Variants in DNAH14 observed in about 807,000 individuals in gnomAD.
DNAH14 encodes the protein dynein axonemal heavy chain 14.
A neutral mutation model predicts 520.9 loss-of-function variants in DNAH14; 478 were observed. The ratio of observed to expected loss-of-function variants is 0.92; its 90% CI spans 0.85 to 0.99. DNAH14 has a LOEUF of 0.99. DNAH14 is among the 50% of genes least tolerant of loss of function. DNAH14 has a pLI of 0.00. For synonymous variants in DNAH14, 1,581 were observed against 1,757.2 expected (o/e 0.90, Z 2.51); for missense variants, 4,831 against 5,234.5 (o/e 0.92, Z 2.38).
intron 11 of DNAH14, among the ~76,000 whole-genome samples, chr1:225,033,886 A>G (rs965988617): frequency 3.3e-5 from 5 of 152,136 alleles, no homozygotes; most frequent in Admixed American, 3.3e-4. Flanking sequence ...TTGTTAGTAT[A>G]TAGGAATGCT....
chr1:224,990,849 T>A (rs565406281), intron 8 of DNAH14, among the ~76,000 whole-genome samples: 1 of 152,250 alleles, frequency 6.6e-6, no homozygotes, highest in South Asian at 2.1e-4. Context: ...AACTTTATTT[T>A]TAGTTTTTTG....
chr1:225,041,858 G>T (rs1277740726), intron 12 of DNAH14, among the ~76,000 whole-genome samples: 1 of 152,128 alleles, frequency 6.6e-6, no homozygotes, highest in Non-Finnish European at 1.5e-5. Context: ...ATTAAGAATT[G>T]TCTGGGTGGA....
Position 225,147,241 on chromosome 1 carries a change from T to C in DNAH14, c.4932T>C (p.Tyr1644=). 2 of 1,543,894 alleles carry C rather than the reference T, an allele frequency of 1.3e-6. No individual in the cohort carries two copies. The highest frequency in any genetic ancestry group is 1.7e-6 in the Non-Finnish European group (2 of 1,144,872). ...CAATTAAGGCTGCAAAAGACAACTA[T>C]TCTGCCAGGTATTTGTCGAATGTGT... ...ILTIKAAKDN[Y]SARFVLEGKE... is the part of the protein sequence containing the mutation. The change falls in exon 31 of 86, where the codon TAT becomes TAC. Residue 1644 remains tyrosine (Y), a synonymous_variant. Coordinates refer to ENST00000682510, the MANE Select transcript of DNAH14 (RefSeq NM_001367479.1).
In DNAH14 at chr1:225,147,205, A is replaced by G. The variant is rs1429602862; in HGVS notation, c.4896A>G (p.Ser1632=). 6.5e-7 allele frequency: 1 copy of G among 1,550,168 alleles called. No homozygotes were observed. Among genetic ancestry groups the G allele is most frequent in the East Asian group, 2.4e-5 (1 of 40,862 alleles). Residue 1632 remains serine, a synonymous_variant, in exon 31 of 86, where the codon TCA becomes TCG. Transcript: ENST00000682510. The part of the protein sequence containing the change: ...IDLEVLSVIA[S]QILTIKAAKD... ...TGGAAGTTCTCTCTGTCATTGCCTCACAGATCCTAACAATTAAGGCTGCAA... is the reference window on the plus strand; with the variant it reads ...TGGAAGTTCTCTCTGTCATTGCCTCGCAGATCCTAACAATTAAGGCTGCAA...
At chr1:225,157,507 C>G (rs761438475) in intron 34 of DNAH14, among the ~76,000 whole-genome samples, 12 of 152,074 alleles carry the variant, frequency 7.9e-5, no homozygotes, top group Non-Finnish European at 1.5e-4. Context: ...TCCAAAATTA[C>G]TCTTTTGTAA....
At chr1:225,367,711 A>G in intron 76 of DNAH14, 94 bp from the exon 77 acceptor site, 1 of 823,182 alleles carries the variant, frequency 1.2e-6, no homozygotes, top group Non-Finnish European at 1.9e-6. Flanking sequence ...ATTCTTGCCC[A>G]GTTCTTTTAC....
intron 43 of DNAH14, among the ~76,000 whole-genome samples, chr1:225,248,928 T>G (rs139711224): frequency 5.6e-4 from 86 of 152,342 alleles, no homozygotes; most frequent in African/African-American, 2.0e-3. Flanking sequence ...GATAAGGTCC[T>G]GGTACAACTC....
intron 17 of DNAH14, among the ~76,000 whole-genome samples, chr1:225,078,680 T>TG (rs1193733885): frequency 1.3e-5 from 2 of 152,088 alleles, no homozygotes; most frequent in Non-Finnish European, 2.9e-5. Context: ...GATTGAATCA[T>TG]GGGGGTGGAC....
rs536722695 is a variant in DNAH14, at chr1:225,006,140, T to C, written c.976-1273T>C. Among the ~76,000 whole-genome samples the C allele has an allele frequency of 9.5e-4, 144 of 152,336 alleles. 1 individual carries two copies. The highest frequency in any genetic ancestry group is 3.3e-3 in the African/African-American group (136 of 41,582). ...ATTGTGAAGATTTCATGGGCATTTATCACTTCCCTAATCAATACTCTTATA... is the reference window on the plus strand; with the variant it reads ...ATTGTGAAGATTTCATGGGCATTTACCACTTCCCTAATCAATACTCTTATA... On this transcript the variant is annotated intron_variant, in intron 9 of 85. Transcript: ENST00000682510.
At chr1:225,225,868 C>T (rs1466910115) in intron 41 of DNAH14, among the ~76,000 whole-genome samples, 1 of 152,106 alleles carries the variant, frequency 6.6e-6, no homozygotes. Flanking sequence ...TAGGACCCAA[C>T]CCAGTACCAG....
In DNAH14 at chr1:225,307,546, C is replaced by T. The variant is rs760623702; in HGVS notation, c.9091C>T (p.Pro3031Ser). 1.9e-6 allele frequency: 3 copies of T among 1,543,052 alleles called. No individual in the cohort carries two copies. Among genetic ancestry groups the T allele is most frequent in the Non-Finnish European group, 8.7e-7 (1 of 1,144,668 alleles). The change falls in exon 59 of 86, where the codon CCT becomes TCT. Residue 3031 changes from proline to serine, a missense_variant. By Grantham distance (74) the Pro-to-Ser change is moderately conservative. Coordinates refer to ENST00000682510, the MANE Select transcript of DNAH14 (RefSeq NM_001367479.1). ...GCAAGAAGAGCTCTTGATTCTTGGC[C>T]CTCAAGTAGAACAAAAAACAAAGGT... ...EMQEELLILG[P>S]QVEQKTKETE... is the part of the protein sequence containing the mutation.
intron 10 of DNAH14, among the ~76,000 whole-genome samples, chr1:225,019,098 AT>A (rs1168071314): frequency 2.6e-5 from 4 of 152,224 alleles, no homozygotes; most frequent in African/African-American, 9.6e-5. Flanking sequence ...AATGGGCTAA[AT>A]GCCCCACTTT....
At chr1:225,308,185 TA>T in intron 59 of DNAH14, 99 bp from the exon 60 acceptor site, 1 of 1,263,110 alleles carries the variant, frequency 7.9e-7, no homozygotes, top group Non-Finnish European at 1.1e-6. Context: ...CTGATTTTAG[TA>T]AACTTTACCA....
chr1:224,949,098 G>A (rs945105043), intron 1 of DNAH14, among the ~76,000 whole-genome samples: 2 of 151,458 alleles, frequency 1.3e-5, no homozygotes, highest in African/African-American at 4.9e-5. Flanking sequence ...TCTTTATCTG[G>A]TTAAAAAAAC....
At chr1:225,157,712 T>C (rs900009630) in intron 34 of DNAH14, among the ~76,000 whole-genome samples, 1 of 152,164 alleles carries the variant, frequency 6.6e-6, no homozygotes, top group Non-Finnish European at 1.5e-5. Flanking sequence ...TAAAAGGCCA[T>C]TGTCATTCCC....
intron 35 of DNAH14, among the ~76,000 whole-genome samples, chr1:225,167,306 C>G (rs1334939786): frequency 4.6e-5 from 7 of 152,124 alleles, no homozygotes; most frequent in Admixed American, 4.6e-4. Context: ...AAAGATAAAT[C>G]CCACTTTTTT....
At chr1:225,331,605 G>A (rs2094800103) in intron 65 of DNAH14, 28 bp downstream of exon 65, 5 of 1,550,714 alleles carry the variant, frequency 3.2e-6, no homozygotes, top group Non-Finnish European at 3.5e-6. Context: ...CTTATATCTC[G>A]TCCATAATTC....
At chr1:225,301,147 T>A in intron 56 of DNAH14, 117 bp downstream of exon 56, 1 of 1,160,838 alleles carries the variant, frequency 8.6e-7, no homozygotes, top group Non-Finnish European at 1.2e-6. Flanking sequence ...TATGAGTTTT[T>A]AAGGTAAAAT....
At chr1:225,018,155 AG>A (rs2065366841) in intron 10 of DNAH14, among the ~76,000 whole-genome samples, 1 of 152,208 alleles carries the variant, frequency 6.6e-6, no homozygotes, top group Non-Finnish European at 1.5e-5. Flanking sequence ...ACCAAATCCA[AG>A]GAAAACAGTA....
Sources: gnomAD v4.1 joint callset for allele counts (sites outside exome capture counted in the v4.1 genomes callset) on GRCh38, gnomAD v4.1.1 for gene constraint, MANE v1.5 for transcripts, NCBI Gene and HGNC (gene_info 2026-07-23, HGNC 2026-07-21) for gene names.